ZMIZ1: variants seen among roughly 807,000 people sequenced by gnomAD.
The protein encoded by ZMIZ1 is zinc finger MIZ domain-containing protein 1.
ZMIZ1 carries 17 observed loss-of-function variants against 113.9 expected under a neutral mutation model. That is an observed-to-expected ratio of 0.15 (90% CI 0.10 to 0.22). The LOEUF is 0.22. Ranked by LOEUF, ZMIZ1 falls within the 10% of genes least tolerant of loss-of-function variation. The pLI, the probability that ZMIZ1 is intolerant of heterozygous loss-of-function variation, is 1.00. For synonymous variants in ZMIZ1, 607 were observed against 603.1 expected (o/e 1.01, Z -0.09); for missense variants, 1,059 against 1,477.8 (o/e 0.72, Z 4.65).
At chr10:79,290,605 G>T in intron 9 of ZMIZ1, 1 of 430,570 alleles carries the variant, frequency 2.3e-6, no homozygotes, top group Non-Finnish European at 4.5e-6. Context: ...GGGGCAGTAG[G>T]CTTCATGGCC....
chr10:79,300,037 A>G (rs1001072611), intron 16 of ZMIZ1, among the ~76,000 whole-genome samples: 2 of 152,088 alleles, frequency 1.3e-5, no homozygotes, highest in Admixed American at 1.3e-4. Context: ...TTTCTTGACC[A>G]TGCTGAGCAG....
intron 7 of ZMIZ1, among the ~76,000 whole-genome samples, chr10:79,275,050 C>T (rs1299859138): frequency 6.6e-6 from 1 of 152,244 alleles, no homozygotes; most frequent in African/African-American, 2.4e-5. Context: ...CAGCGGGCCT[C>T]GTGCTTGGCG....
chr10:79,153,784 G>A (rs185995441), intron 3 of ZMIZ1, among the ~76,000 whole-genome samples: 1 of 152,354 alleles, frequency 6.6e-6, no homozygotes, highest in Non-Finnish European at 1.5e-5. Flanking sequence ...CCTGGGTGAG[G>A]TTAGAGCCTG....
rs368345525 is a variant in ZMIZ1, at chr10:79,293,179, G to A, written c.958-202G>A. 3.3e-5 allele frequency among the ~76,000 whole-genome samples: 4 copies of A among 120,254 alleles called. No homozygotes were observed. In the East Asian group the frequency reaches 7.4e-4, roughly 22 times the overall value. The allele number at this position is 120,254 out of a possible 152,430, so 78.9% of individuals were successfully genotyped here. A position where few individuals can be genotyped will look rare whatever the true frequency, so the allele number is the denominator to read the frequency against. ...AACACCCCTGAGCTGCATCTCTCCT[G>A]TGCGGCTGCAGAGGGCAGCAGTGAG... On this transcript the variant is annotated intron_variant, in intron 11 of 24. Transcript: ENST00000334512.
At chr10:79,152,508 AAAAG>A (rs932120132) in intron 3 of ZMIZ1, among the ~76,000 whole-genome samples, 2 of 152,182 alleles carry the variant, frequency 1.3e-5, no homozygotes, top group African/African-American at 4.8e-5. Flanking sequence ...TCAAAAAAAG[AAAAG>A]AAAGAAAAAA....
intron 7 of ZMIZ1, among the ~76,000 whole-genome samples, chr10:79,228,290 A>T (rs967323375): frequency 6.6e-6 from 1 of 152,274 alleles, no homozygotes; most frequent in Non-Finnish European, 1.5e-5. Flanking sequence ...AAAGTAGCTC[A>T]ACCCTTTGTA....
At chr10:79,122,920 G>A (rs1219768167) in intron 2 of ZMIZ1, among the ~76,000 whole-genome samples, 2 of 152,198 alleles carry the variant, frequency 1.3e-5, no homozygotes, top group African/African-American at 4.8e-5. Flanking sequence ...TCCAGCCCCT[G>A]GCCCAGGAGA....
At chr10:79,215,874 A>G (rs1350478290) in intron 6 of ZMIZ1, among the ~76,000 whole-genome samples, 1 of 152,094 alleles carries the variant, frequency 6.6e-6, no homozygotes, top group Non-Finnish European at 1.5e-5. Context: ...GCCGACTTCT[A>G]AAATGTGGTC....
intron 3 of ZMIZ1, among the ~76,000 whole-genome samples, chr10:79,143,995 C>T (rs1473094147): frequency 6.6e-6 from 1 of 152,178 alleles, no homozygotes; most frequent in Non-Finnish European, 1.5e-5. Flanking sequence ...GATGCCCCTC[C>T]AACTCTGCAT....
intron 4 of ZMIZ1, among the ~76,000 whole-genome samples, chr10:79,194,833 G>A (rs16937022): frequency 0.016 from 2,458 of 152,278 alleles, 64 homozygotes; most frequent in African/African-American, 0.056. Flanking sequence ...TCTGCACCAG[G>A]CGCCGCTAAG....
At position 79,310,306 on chromosome 10, in the gene ZMIZ1, C is replaced by G. The variant is rs568700066; in HGVS notation, c.2836-618C>G. 2.0e-5 allele frequency among the ~76,000 whole-genome samples: 3 copies of G among 152,340 alleles called. No individual in the cohort carries two copies. The South Asian group carries it at 6.2e-4, about 32-fold the overall frequency. ...GGCCAGGTGCCCACCCAGCCCTGCT[C>G]CTCTGACAGCCAAATTCCACCCGCG... On this transcript the variant is annotated intron_variant, in intron 23 of 24. Coordinates refer to ENST00000334512, the MANE Select transcript of ZMIZ1 (RefSeq NM_020338.4).
chr10:79,291,593 A>G (rs1168892740), intron 10 of ZMIZ1, among the ~76,000 whole-genome samples: 1 of 152,234 alleles, frequency 6.6e-6, no homozygotes, highest in Non-Finnish European at 1.5e-5. Flanking sequence ...GATTGGTGAA[A>G]GCAGAACTAT....
intron 7 of ZMIZ1, among the ~76,000 whole-genome samples, chr10:79,257,581 T>C (rs1391317648): frequency 6.6e-6 from 1 of 151,870 alleles, no homozygotes; most frequent in Non-Finnish European, 1.5e-5. Context: ...CATTGGGAGG[T>C]GACTGATCTG....
chr10:79,190,671 C>G (rs563705486), intron 4 of ZMIZ1, among the ~76,000 whole-genome samples: 100 of 152,286 alleles, frequency 6.6e-4, no homozygotes, highest in Admixed American at 2.6e-3. Context: ...ATTCACACCC[C>G]CTGTGTGGCT....
intron 1 of ZMIZ1, among the ~76,000 whole-genome samples, chr10:79,094,966 A>AG (rs1184311483): frequency 2.8e-5 from 4 of 144,902 alleles, no homozygotes; most frequent in Admixed American, 2.1e-4. Context: ...AAAAAAAAAA[A>AG]AAAGAGAGAG....
chr10:79,255,370 CCTT>C (rs1191056349), intron 7 of ZMIZ1, among the ~76,000 whole-genome samples: 1 of 152,208 alleles, frequency 6.6e-6, no homozygotes, highest in Non-Finnish European at 1.5e-5. Flanking sequence ...TTGCCCCCAC[CCTT>C]CTTCGGGAAT....
chr10:79,079,630 C>CA (rs1242262611), intron 1 of ZMIZ1, among the ~76,000 whole-genome samples: 1 of 149,582 alleles, frequency 6.7e-6, no homozygotes, highest in Non-Finnish European at 1.5e-5. Flanking sequence ...CAGGGCCTGG[C>CA]ACTGGGGCCG....
At chr10:79,159,069 G>A (rs959387814) in intron 3 of ZMIZ1, among the ~76,000 whole-genome samples, 9 of 152,240 alleles carry the variant, frequency 5.9e-5, no homozygotes, top group African/African-American at 2.2e-4. Context: ...GTGCCTGGGA[G>A]AGCTATCTGA....
chr10:79,291,266 C>T (rs1034514373), intron 10 of ZMIZ1, 90 bp downstream of exon 10: 22 of 1,385,930 alleles, frequency 1.6e-5, no homozygotes, highest in East Asian at 5.0e-5. Context: ...CCCAGCTCCA[C>T]GCTTTCTGCC....
Sources: gnomAD v4.1 joint callset for allele counts (sites outside exome capture counted in the v4.1 genomes callset) on GRCh38, gnomAD v4.1.1 for gene constraint, MANE v1.5 for transcripts, NCBI Gene and HGNC (gene_info 2026-07-23, HGNC 2026-07-21) for gene names.